The following APCDD1 variants were observed in gnomAD, a reference collection of about 807,000 sequenced individuals.
The protein encoded by APCDD1 is APC down-regulated 1, also known as protein APCDD1.
Under a neutral mutation model 38.1 loss-of-function variants are expected in APCDD1, and 15 were observed. That is an observed-to-expected ratio of 0.39 (90% CI 0.26 to 0.61). The LOEUF (loss-of-function observed/expected upper bound fraction) is 0.61. APCDD1 is among the 20% of genes least tolerant of loss of function. The pLI, the probability that APCDD1 is intolerant of heterozygous loss-of-function variation, is 0.49. For synonymous variants in APCDD1, 261 were observed against 279.7 expected (o/e 0.93, Z 0.67); for missense variants, 647 against 696.2 (o/e 0.93, Z 0.79).
chr18:10,458,981 G>T (rs1598394068), intron 1 of APCDD1, among the ~76,000 whole-genome samples: 1 of 152,208 alleles, frequency 6.6e-6, no homozygotes, highest in East Asian at 1.9e-4. Context: ...ATTGTGGAAA[G>T]TCATGTGATA....
In APCDD1 at chr18:10,488,062, C is replaced by T; in HGVS notation, c.*24C>T. ...AGAAGTTTTAGAAAGTTCTATTTTT[C>T]CAAACCAGGATTCCTTACTATTGAC... is the stretch of plus-strand genomic sequence containing the variant. On this transcript the variant is annotated 3_prime_UTR_variant, in exon 5 of 5. Transcript: ENST00000355285. 1.2e-6 allele frequency: 2 copies of T among 1,611,768 alleles called. No homozygotes were observed. The highest frequency in any genetic ancestry group is 1.1e-5 in the South Asian group (1 of 91,050).
chr18:10,463,960 C>T (rs982368403), intron 1 of APCDD1, among the ~76,000 whole-genome samples: 6 of 152,220 alleles, frequency 3.9e-5, no homozygotes, highest in African/African-American at 1.4e-4. Context: ...GGCTGCACTG[C>T]CAGCCTCGCT....
chr18:10,458,023 C>T (rs2030425266), intron 1 of APCDD1, among the ~76,000 whole-genome samples: 2 of 152,226 alleles, frequency 1.3e-5, no homozygotes. Context: ...TGGAAGATGT[C>T]CATTATCACT....
At chr18:10,468,848 T>C (rs765909861) in intron 2 of APCDD1, among the ~76,000 whole-genome samples, 196 bp downstream of exon 2, 13 of 152,268 alleles carry the variant, frequency 8.5e-5, no homozygotes, top group Admixed American at 1.3e-4. Context: ...AGAAATCTTA[T>C]GCTAAAGCAG....
Position 10,487,785 on chromosome 18 carries a change from C to A in APCDD1, c.1292C>A (p.Ala431Asp). Residue 431 changes from alanine to aspartate, a missense_variant, in exon 5 of 5, where the codon GCC becomes GAC. Transcript: ENST00000355285. ...EYEIFKMEQDARGRYLLFNGQ... is the reference protein window; with the variant it reads ...EYEIFKMEQDDRGRYLLFNGQ... ...GAGATCTTCAAAATGGAACAGGATG[C>A]CCGGGGGCGCTATCTGCTGTTCAAC... The A allele has an allele frequency of 6.2e-7, 1 of 1,614,130 alleles. No homozygotes were observed.
Position 10,487,945 on chromosome 18 carries a change from G to A in APCDD1, c.1452G>A (p.Leu484=). Residue 484 remains leucine (L), a synonymous_variant, in exon 5 of 5, where the codon CTG becomes CTA. Transcript: ENST00000355285. The part of the protein sequence containing the change: ...EDLAEDSGSS[L]YGRAPGRHTW... ...TCGCAGAAGACAGTGGAAGCAGCCT[G>A]TATGGCCGGGCCCCTGGGAGGCACA... is the stretch of plus-strand genomic sequence containing the variant. 1.9e-6 allele frequency: 3 copies of A among 1,613,680 alleles called. No individual in the cohort carries two copies. Among genetic ancestry groups the A allele is most frequent in the Non-Finnish European group, 2.5e-6 (3 of 1,179,928 alleles).
chr18:10,454,689 C>T lies in APCDD1; in HGVS notation c.-293C>T. 1 of 985,664 alleles carries T rather than the reference C, an allele frequency of 1.0e-6. No homozygotes were observed. The highest frequency in any genetic ancestry group is 1.2e-6 in the Non-Finnish European group (1 of 831,024). The allele number at this position is 985,664 out of a possible 1,614,324, so 61.1% of individuals were successfully genotyped here. A position where few individuals can be genotyped will look rare whatever the true frequency, so the allele number is the denominator to read the frequency against. On this transcript the variant is annotated 5_prime_UTR_variant, in exon 1 of 5. Coordinates refer to ENST00000355285, the MANE Select transcript of APCDD1 (RefSeq NM_153000.5). ...GCGGCCACTGCAGCTCAGAGCGGCG[C>T]ACGCGGCGGCCGGGGCGGGACGCGG... is the stretch of plus-strand genomic sequence containing the variant.
rs537794700 is a variant in APCDD1, at chr18:10,471,700, G to A, written c.413G>A (p.Arg138Gln). The A allele has an allele frequency of 3.7e-6, 6 of 1,614,138 alleles. No homozygotes were observed. Among genetic ancestry groups the A allele is most frequent in the Admixed American group, 3.3e-5 (2 of 60,032 alleles). The change falls in exon 3 of 5, where the codon CGA (arginine) becomes CAA (glutamine). Residue 138 changes from arginine (R) to glutamine (Q), a missense_variant. By Grantham distance (43) the Arg-to-Gln change is conservative. Transcript: ENST00000355285. This position sits in a 1 kb window ranked among gnomAD's most constrained non-coding sequence, Gnocchi z 5.5. ...CTCCGCCAGGCCTCCTGGATCATCC[G>A]AGGGGGCACGGAAGCCGACTACCAG... ...IRLRQASWII[R>Q]GGTEADYQLH...
Position 10,470,379 on chromosome 18 carries a change from T to C in APCDD1, c.243-1151T>C, listed in dbSNP as rs1418198550. Among the ~76,000 whole-genome samples the C allele has an allele frequency of 6.6e-6, 1 of 152,206 alleles. No individual in the cohort carries two copies. Among genetic ancestry groups the C allele is most frequent in the Non-Finnish European group, 1.5e-5 (1 of 68,030 alleles). On this transcript the variant is annotated intron_variant, in intron 2 of 4. Coordinates refer to ENST00000355285, the MANE Select transcript of APCDD1 (RefSeq NM_153000.5). The surrounding 1 kb of genome is among the most constrained non-coding windows in gnomAD (Gnocchi z 4.1). ...TACAGATACCCCAGGTACTGTTGAG[T>C]GCTTTATGTCCATAGGATGTTACTC...
intron 1 of APCDD1, among the ~76,000 whole-genome samples, chr18:10,462,906 C>A (rs898326612): frequency 2.2e-5 from 3 of 135,094 alleles, no homozygotes; most frequent in African/African-American, 1.1e-4. Context: ...AATCTGTCCC[C>A]CATGTCCCTC....
Position 10,488,245 on chromosome 18 carries a change from C to T in APCDD1, c.*207C>T. 3.1e-6 allele frequency: 2 copies of T among 653,662 alleles called. No individual in the cohort carries two copies. The highest frequency in any genetic ancestry group is 2.8e-5 in the East Asian group (1 of 35,884). The allele number at this position is 653,662 out of a possible 1,614,324, so 40.5% of individuals were successfully genotyped here. On this transcript the variant is annotated 3_prime_UTR_variant, in exon 5 of 5. Transcript: ENST00000355285. ...TGCTTTGAACTCCGTCCAGCCTGATCCCTGGCCTGAGCAACTTCACAACAG... is the reference window on the plus strand; with the variant it reads ...TGCTTTGAACTCCGTCCAGCCTGATTCCTGGCCTGAGCAACTTCACAACAG...
intron 4 of APCDD1, among the ~76,000 whole-genome samples, chr18:10,486,630 G>A (rs951728276): frequency 6.6e-5 from 10 of 152,198 alleles, no homozygotes; most frequent in Admixed American, 3.9e-4. Context: ...ACGAGGAGGG[G>A]AGGAAGGAGC....
intron 1 of APCDD1, among the ~76,000 whole-genome samples, chr18:10,461,196 C>G (rs1050263874): frequency 2.6e-5 from 4 of 152,100 alleles, no homozygotes; most frequent in Admixed American, 2.0e-4. Context: ...TACATACCAC[C>G]GAGCCCTCCA....
At chr18:10,479,007 G>A (rs1403404876) in intron 3 of APCDD1, among the ~76,000 whole-genome samples, 5 of 152,126 alleles carry the variant, frequency 3.3e-5, no homozygotes, top group East Asian at 1.9e-4. Flanking sequence ...CCTGTTAGCC[G>A]AGAACCCTGT....
Position 10,487,839 on chromosome 18 carries a change from C to G in APCDD1, c.1346C>G (p.Pro449Arg). ...CAGAGGCCCAGCGACGGGTCCAGCC[C>G]AGACAGGCCAGAGAAGAGAGCCACG... ...NGQRPSDGSS[P>R]DRPEKRATSY... The change falls in exon 5 of 5, where the codon CCA becomes CGA. Residue 449 changes from proline to arginine, a missense_variant. By Grantham distance (103) the Pro-to-Arg change is moderately radical (BLOSUM62 -2). Transcript: ENST00000355285. 2.5e-6 allele frequency: 4 copies of G among 1,613,986 alleles called. No individual in the cohort carries two copies. The highest frequency in any genetic ancestry group is 3.4e-6 in the Non-Finnish European group (4 of 1,180,040).
chr18:10,485,773 C>T lies in APCDD1; in HGVS notation c.1086C>T (p.Phe362=), dbSNP rs768170068. 17 of 1,612,770 alleles carry T rather than the reference C, an allele frequency of 1.1e-5. No individual in the cohort carries two copies. The highest frequency in any genetic ancestry group is 8.9e-5 in the East Asian group (4 of 44,880). The change falls in exon 4 of 5, where the codon TTC becomes TTT. Residue 362 remains phenylalanine (F), a synonymous_variant. Coordinates refer to ENST00000355285, the MANE Select transcript of APCDD1 (RefSeq NM_153000.5). The surrounding 1 kb of genome is among the most constrained non-coding windows in gnomAD (Gnocchi z 5.8). ...CCAGGGTCATGGGAGGCACCGAGTT[C>T]GTGTTCAAAGGTAGGATTCCCATCT... ...LSSRVMGGTE[F]VFKVNHMKVT...
intron 1 of APCDD1, among the ~76,000 whole-genome samples, chr18:10,461,932 GA>G (rs1219963848): frequency 1.3e-5 from 2 of 151,938 alleles, no homozygotes; most frequent in African/African-American, 4.8e-5. Flanking sequence ...AAAATAAGAG[GA>G]AAAAACTCCG....
chr18:10,480,599 A>C (rs1374531806), intron 3 of APCDD1, among the ~76,000 whole-genome samples: 1 of 152,170 alleles, frequency 6.6e-6, no homozygotes, highest in African/African-American at 2.4e-5. Context: ...ATGACTGCTA[A>C]AGAGTTGTCC....
rs1030573430 is a variant in APCDD1, at chr18:10,489,818, G to A, written c.*1780G>A. On this transcript the variant is annotated 3_prime_UTR_variant, in exon 5 of 5. Transcript: ENST00000355285. ...TATTTTAAGTTGTGGTGCAGACTGAGGGGGCTTATTCAAAATGAAAATACT... is the reference window on the plus strand; with the variant it reads ...TATTTTAAGTTGTGGTGCAGACTGAAGGGGCTTATTCAAAATGAAAATACT... 2.0e-5 allele frequency: 3 copies of A among 152,120 alleles called. No homozygotes were observed. Among genetic ancestry groups the A allele is most frequent in the Admixed American group, 1.3e-4 (2 of 15,274 alleles). The allele number at this position is 152,120 out of a possible 1,614,324, so 9.4% of individuals were successfully genotyped here.
Sources: allele counts gnomAD v4.1 joint callset (sites outside exome capture counted in the v4.1 genomes callset), GRCh38; gene constraint gnomAD v4.1.1; non-coding constraint Gnocchi (gnomAD v3.1); transcripts MANE v1.5; gene names NCBI Gene and HGNC (gene_info 2026-07-23, HGNC 2026-07-21).